The following XKR6 variants were observed in gnomAD, a reference collection of about 807,000 sequenced individuals.
XKR6 encodes the protein XK related 6, also known as XK-related protein 6.
XKR6 carries 22 observed loss-of-function variants against 56.7 expected under a neutral mutation model. The observed-to-expected ratio is 0.39, with a 90% CI of 0.28 to 0.55. The LOEUF (loss-of-function observed/expected upper bound fraction) is 0.55, where lower values mean the gene tolerates loss of function less well. Ranked by LOEUF, XKR6 falls within the 20% of genes least tolerant of loss-of-function variation. The probability of loss-of-function intolerance (pLI) is 0.66; values close to 1 mark genes in which losing one functional copy is unlikely to be tolerated. For synonymous variants in XKR6, 524 were observed against 387.8 expected (o/e 1.35, Z -4.13); for missense variants, 852 against 889.0 (o/e 0.96, Z 0.53).
chr8:11,131,376 A>C lies in XKR6; in HGVS notation c.764+69200T>G, dbSNP rs187509837. 6.5e-4 allele frequency among the ~76,000 whole-genome samples: 99 copies of C among 152,312 alleles called. No homozygotes were observed. In the East Asian group the frequency reaches 0.012, roughly 18 times the overall value. On this transcript the variant is annotated intron_variant, in intron 1 of 2. Transcript: ENST00000416569. ...TACTGGAAAGATGTAAAATACAAGA[A>C]AGAGTAATTAACATAGAAGGCATGA...
At chr8:10,932,336 C>A (rs1801074922) in intron 1 of XKR6, among the ~76,000 whole-genome samples, 1 of 152,166 alleles carries the variant, frequency 6.6e-6, no homozygotes, top group South Asian at 2.1e-4. Flanking sequence ...ACATATGACC[C>A]ATAGTTCCCT....
intron 1 of XKR6, among the ~76,000 whole-genome samples, chr8:11,140,411 C>G (rs1800632585): frequency 6.6e-6 from 1 of 152,228 alleles, no homozygotes; most frequent in African/African-American, 2.4e-5. Flanking sequence ...GGCAAAAAGA[C>G]CACATGACTT....
chr8:11,092,484 C>T (rs1419349543), intron 1 of XKR6, among the ~76,000 whole-genome samples: 7 of 152,116 alleles, frequency 4.6e-5, no homozygotes, highest in Non-Finnish European at 8.8e-5. Flanking sequence ...TAGGTGAGGA[C>T]CCTGGCTGGA....
chr8:11,039,466 C>T (rs1426225076), intron 1 of XKR6, among the ~76,000 whole-genome samples: 10 of 152,212 alleles, frequency 6.6e-5, no homozygotes, highest in African/African-American at 1.9e-4. Context: ...AGATGAGGGA[C>T]GCGCACTGCC....
At chr8:10,997,683 G>A (rs1051314779) in intron 1 of XKR6, among the ~76,000 whole-genome samples, 1 of 152,186 alleles carries the variant, frequency 6.6e-6, no homozygotes, top group African/African-American at 2.4e-5. Context: ...ATGCAATGAG[G>A]CTAAAGTGGG....
At chr8:11,000,484 G>A (rs1312733787) in intron 1 of XKR6, among the ~76,000 whole-genome samples, 7 of 152,034 alleles carry the variant, frequency 4.6e-5, no homozygotes, top group African/African-American at 1.2e-4. Flanking sequence ...TCAAGAGCTC[G>A]AAACCAGCCT....
At chr8:11,152,539 C>G (rs986753369) in intron 1 of XKR6, among the ~76,000 whole-genome samples, 3 of 152,168 alleles carry the variant, frequency 2.0e-5, no homozygotes, top group Admixed American at 1.3e-4. Context: ...CTGTTCCTAT[C>G]AGGATGAGAT....
At chr8:11,130,500 A>C (rs1176239402) in intron 1 of XKR6, among the ~76,000 whole-genome samples, 1 of 152,156 alleles carries the variant, frequency 6.6e-6, no homozygotes, top group Non-Finnish European at 1.5e-5. Flanking sequence ...AAACAACAAA[A>C]GATGGGTTCA....
chr8:11,004,941 A>G (rs1798330961), intron 1 of XKR6, among the ~76,000 whole-genome samples: 1 of 152,206 alleles, frequency 6.6e-6, no homozygotes, highest in Non-Finnish European at 1.5e-5. Context: ...AATCACATAA[A>G]GACAGAAATT....
chr8:11,089,049 C>A (rs1317986511), intron 1 of XKR6, among the ~76,000 whole-genome samples: 2 of 152,136 alleles, frequency 1.3e-5, no homozygotes, highest in Non-Finnish European at 2.9e-5. Context: ...GAGATTCCAG[C>A]CAACAAAGCC....
At chr8:11,102,972 A>C (rs1352750658) in intron 1 of XKR6, among the ~76,000 whole-genome samples, 2 of 152,180 alleles carry the variant, frequency 1.3e-5, no homozygotes, top group Non-Finnish European at 1.5e-5. Context: ...CAGGCACACA[A>C]AGATTAGAGA....
chr8:11,134,816 A>G (rs1166157324), intron 1 of XKR6, among the ~76,000 whole-genome samples: 1 of 152,086 alleles, frequency 6.6e-6, no homozygotes, highest in Non-Finnish European at 1.5e-5. Flanking sequence ...AGAATTAGAA[A>G]AGGCCTAAAT....
At chr8:11,111,735 C>T (rs538703545) in intron 1 of XKR6, 3 of 152,038 alleles carry the variant, frequency 2.0e-5, no homozygotes, top group Non-Finnish European at 4.4e-5. Context: ...TCATAATTAT[C>T]TGTTATTAGA....
chr8:10,924,017 C>A (rs897263615), intron 2 of XKR6, among the ~76,000 whole-genome samples: 1 of 152,234 alleles, frequency 6.6e-6, no homozygotes. Flanking sequence ...CATCTCCCTG[C>A]AACTTCTACA....
chr8:11,113,858 A>G (rs1799026010), intron 1 of XKR6: 1 of 202,520 alleles, frequency 4.9e-6, no homozygotes, highest in Non-Finnish European at 1.0e-5. Flanking sequence ...ATATGTCAGT[A>G]TGTTGTTTAA....
chr8:11,006,886 C>G (rs1398263912), intron 1 of XKR6, among the ~76,000 whole-genome samples: 1 of 152,200 alleles, frequency 6.6e-6, no homozygotes, highest in Admixed American at 6.5e-5. Context: ...CTAGCTGCAA[C>G]ACAGAGTGTA....
At chr8:11,152,603 T>G (rs572908773) in intron 1 of XKR6, among the ~76,000 whole-genome samples, 3 of 152,334 alleles carry the variant, frequency 2.0e-5, no homozygotes, top group Non-Finnish European at 4.4e-5. Context: ...ATACAAATTT[T>G]GAACAAAGAT....
At chr8:10,927,993 A>C (rs1002985496) in intron 1 of XKR6, among the ~76,000 whole-genome samples, 22 of 152,308 alleles carry the variant, frequency 1.4e-4, no homozygotes, top group African/African-American at 4.6e-4. Flanking sequence ...GCCTCAATGC[A>C]AATGCTCATC....
chr8:10,940,112 C>A (rs1450177620), intron 1 of XKR6, among the ~76,000 whole-genome samples: 2 of 152,208 alleles, frequency 1.3e-5, no homozygotes, highest in East Asian at 1.9e-4. Context: ...TGGCATGGCC[C>A]CTCATGTAGC....
Sources: gnomAD v4.1 joint callset for allele counts (sites outside exome capture counted in the v4.1 genomes callset) on GRCh38, gnomAD v4.1.1 for gene constraint, MANE v1.5 for transcripts, NCBI Gene and HGNC (gene_info 2026-07-23, HGNC 2026-07-21) for gene names.